Variants in THRAP3 observed in about 807,000 individuals in gnomAD.
THRAP3 encodes the protein thyroid hormone receptor-associated protein 3.
THRAP3 carries 16 observed loss-of-function variants against 101.0 expected under a neutral mutation model. The ratio of observed to expected loss-of-function variants is 0.16; its 90% CI spans 0.11 to 0.24. The LOEUF is 0.24. THRAP3 is among the 10% of genes least tolerant of loss of function. The probability of loss-of-function intolerance (pLI) is 1.00; values close to 1 mark genes in which losing one functional copy is unlikely to be tolerated. For synonymous variants in THRAP3, 407 were observed against 422.6 expected, an observed-to-expected ratio of 0.96 and a Z score of 0.45; for missense variants, 989 against 1,202.7, an observed-to-expected ratio of 0.82 and a Z score of 2.63.
chr1:36,220,972 A>AAAAAAAATAT (rs1285765741), upstream of THRAP3, among the ~76,000 whole-genome samples: 7 of 94,124 alleles, frequency 7.4e-5, no homozygotes, highest in African/African-American at 2.8e-4. Flanking sequence ...AAAAAAAAAA[A>AAAAAAAATAT]ATATATATAT....
intron 2 of THRAP3, among the ~76,000 whole-genome samples, chr1:36,276,323 G>A (rs1333184984): frequency 2.0e-5 from 3 of 151,512 alleles, no homozygotes; most frequent in Non-Finnish European, 4.4e-5. Flanking sequence ...AGAAGATTGA[G>A]ACCATCCTGG....
At chr1:36,280,927 A>ATTTTTT (rs745845957) in intron 2 of THRAP3, among the ~76,000 whole-genome samples, 1 of 145,320 alleles carries the variant, frequency 6.9e-6, no homozygotes, top group Admixed American at 6.8e-5. Context: ...CTTTATTTTT[A>ATTTTTT]TTTATTTTTT....
At position 36,286,671 on chromosome 1, in the gene THRAP3, T is replaced by G; in HGVS notation, c.441T>G (p.Asp147Glu). The change falls in exon 4 of 12, where the codon GAT becomes GAG. Residue 147 changes from aspartate (D) to glutamate (E), a missense_variant. Coordinates refer to ENST00000354618, the MANE Select transcript of THRAP3 (RefSeq NM_005119.4). This position sits in a 1 kb window ranked among gnomAD's most constrained non-coding sequence, Gnocchi z 5.5. ...PRSRSHSRNSDKSSSDRSRRS... is the reference protein window; with the variant it reads ...PRSRSHSRNSEKSSSDRSRRS... ...CCAGGAGCCATTCTAGAAACTCTGATAAGTCGTCTTCTGACCGGTCAAGGC... is the reference window on the plus strand; with the variant it reads ...CCAGGAGCCATTCTAGAAACTCTGAGAAGTCGTCTTCTGACCGGTCAAGGC... The G allele has an allele frequency of 6.2e-7, 1 of 1,614,190 alleles. No homozygotes were observed. The highest frequency in any genetic ancestry group is 1.6e-4 in the Middle Eastern group (1 of 6,062).
At position 36,285,215 on chromosome 1, in the gene THRAP3, T is replaced by C. The variant is rs969060498; in HGVS notation, c.138-1153T>C. Among the ~76,000 whole-genome samples, 11 of 152,372 alleles carry C rather than the reference T, an allele frequency of 7.2e-5. No homozygotes were observed. In the East Asian group the frequency reaches 1.9e-3, roughly 27 times the overall value. ...CCCAGTCAGATATGAGAAAGCCTGC[T>C]GATTAACTGAAGAGTTTTTATTCTA... is the stretch of plus-strand genomic sequence containing the variant. On this transcript the variant is annotated intron_variant, in intron 3 of 11. Coordinates refer to ENST00000354618, the MANE Select transcript of THRAP3 (RefSeq NM_005119.4).
chr1:36,208,427 T>C, the THRAP3 span, among the ~76,000 whole-genome samples: 1 of 151,958 alleles, frequency 6.6e-6, no homozygotes, highest in African/African-American at 2.4e-5. Flanking sequence ...CTTTTCCGGC[T>C]GTTTGACCTC....
chr1:36,293,466 C>A (rs1157470000), intron 7 of THRAP3, among the ~76,000 whole-genome samples: 1 of 152,106 alleles, frequency 6.6e-6, no homozygotes, highest in African/African-American at 2.4e-5. Flanking sequence ...AATTTTAAAG[C>A]CCAGCAGGTT....
At chr1:36,296,559 T>C in intron 8 of THRAP3, 24 bp from the exon 9 acceptor site, 1 of 1,510,284 alleles carries the variant, frequency 6.6e-7, no homozygotes, top group Non-Finnish European at 8.8e-7. Context: ...CCAGAAACCT[T>C]AATTTTGGCT....
chr1:36,252,816 A>G (rs1645319068), intron 1 of THRAP3, among the ~76,000 whole-genome samples: 2 of 151,452 alleles, frequency 1.3e-5, no homozygotes, highest in Non-Finnish European at 2.9e-5. Flanking sequence ...CTGAGGCACA[A>G]GAATCTCTTG....
chr1:36,264,289 A>C (rs773061964), intron 2 of THRAP3, among the ~76,000 whole-genome samples: 1 of 152,218 alleles, frequency 6.6e-6, no homozygotes, highest in Non-Finnish European at 1.5e-5. Context: ...GGCTAAACAT[A>C]GTTTAAGGTG....
intron 2 of THRAP3, among the ~76,000 whole-genome samples, chr1:36,266,317 C>T (rs933492873): frequency 2.6e-5 from 4 of 152,140 alleles, no homozygotes; most frequent in Non-Finnish European, 4.4e-5. Context: ...CAGAGCCAGA[C>T]TCTGTCTCAA....
chr1:36,220,950 T>C (rs1214583653), upstream of THRAP3, among the ~76,000 whole-genome samples: 6 of 74,388 alleles, frequency 8.1e-5, no homozygotes, highest in Non-Finnish European at 1.1e-4. Flanking sequence ...AGTGAGACTG[T>C]CTCAAAAAAA....
intron 6 of THRAP3, 86 bp downstream of exon 6, chr1:36,291,632 ACCTTGTATCTCATCTAAAGGG>A: frequency 6.8e-7 from 1 of 1,462,032 alleles, no homozygotes. Context: ...GTTTTGGGGG[ACCTTGTATCTCATCTAAAGGG>A]CCTTTGAAGC....
rs1382298827 is a variant in THRAP3, at chr1:36,286,971, A to T, written c.741A>T (p.Arg247=). The T allele has an allele frequency of 6.8e-6, 11 of 1,614,128 alleles. No homozygotes were observed. Among genetic ancestry groups the T allele is most frequent in the Admixed American group, 5.0e-5 (3 of 60,012 alleles). The stretch of plus-strand genomic sequence containing the variant: ...TTTCTGAGCTGAGTCCTCGGGAGCG[A>T]AGCCCAGCTCTCAAAAGCCCCCTCC... ...SAVSELSPRE[R]SPALKSPLQS... The change falls in exon 4 of 12, where the codon CGA becomes CGT. Residue 247 remains arginine (R), a synonymous_variant. Coordinates refer to ENST00000354618, the MANE Select transcript of THRAP3 (RefSeq NM_005119.4). This position sits in a 1 kb window ranked among gnomAD's most constrained non-coding sequence, Gnocchi z 5.5.
chr1:36,227,066 T>C (rs1343522438), intron 1 of THRAP3, among the ~76,000 whole-genome samples: 1 of 151,954 alleles, frequency 6.6e-6, no homozygotes, highest in Non-Finnish European at 1.5e-5. Context: ...GGTATCCAGG[T>C]AGAGGAAACA....
At chr1:36,230,743 C>T (rs1186078737) in intron 1 of THRAP3, among the ~76,000 whole-genome samples, 1 of 152,110 alleles carries the variant, frequency 6.6e-6, no homozygotes, top group African/African-American at 2.4e-5. Flanking sequence ...ATGTTTTCAA[C>T]CTCTGCCTAA....
At chr1:36,303,034 C>G (rs1420474313) in intron 11 of THRAP3, among the ~76,000 whole-genome samples, 1 of 151,916 alleles carries the variant, frequency 6.6e-6, no homozygotes, top group African/African-American at 2.4e-5. Context: ...CAGCCTCTGC[C>G]TCCTGGATTC....
At chr1:36,288,800 T>C (rs1205141970) in intron 4 of THRAP3, 6 of 985,300 alleles carry the variant, frequency 6.1e-6, no homozygotes, top group East Asian at 2.3e-4. Flanking sequence ...AAAATAACTT[T>C]TGTTGTTCTC....
chr1:36,280,757 T>TC (rs1215844874), intron 2 of THRAP3, among the ~76,000 whole-genome samples: 1 of 152,030 alleles, frequency 6.6e-6, no homozygotes, highest in Non-Finnish European at 1.5e-5. Flanking sequence ...TGGGAAGATG[T>TC]CCAAGGCGCT....
In THRAP3 at chr1:36,286,232, A is replaced by G. The variant is rs1265868414; in HGVS notation, c.138-136A>G. The G allele has an allele frequency of 7.4e-6, 6 of 814,810 alleles. No homozygotes were observed. The highest frequency in any genetic ancestry group is 3.5e-5 in the African/African-American group (2 of 57,808). 50.5% of individuals were successfully genotyped at this position (814,810 alleles called of 1,614,324 possible). A position where few individuals can be genotyped will look rare whatever the true frequency, so the allele number is the denominator to read the frequency against. On this transcript the variant is annotated intron_variant, in intron 3 of 11. Coordinates refer to ENST00000354618, the MANE Select transcript of THRAP3 (RefSeq NM_005119.4). The surrounding 1 kb of genome is among the most constrained non-coding windows in gnomAD (Gnocchi z 5.5). ...TAAGGGCCATACGTAGTGGGATTAA[A>G]TATTTGTGCCCTTGCTTTGAAAACA...
Sources: gnomAD v4.1 joint callset for allele counts (sites outside exome capture counted in the v4.1 genomes callset) on GRCh38, gnomAD v4.1.1 for gene constraint, Gnocchi (gnomAD v3.1) non-coding constraint, MANE v1.5 for transcripts, NCBI Gene and HGNC (gene_info 2026-07-23, HGNC 2026-07-21) for gene names.